The following MAP3K13 variants were observed in gnomAD, a reference collection of about 807,000 sequenced individuals.
The protein encoded by MAP3K13 is mitogen-activated protein kinase kinase kinase 13, also known as leucine zipper-bearing kinase.
In MAP3K13, 52 loss-of-function variants were observed where a neutral mutation model predicts 104.0. That is an observed-to-expected ratio of 0.50 (90% CI 0.40 to 0.63). The LOEUF (loss-of-function observed/expected upper bound fraction) is 0.63, where lower values mean the gene tolerates loss of function less well. Among genes scored for constraint, MAP3K13 ranks in the 20% least tolerant of loss-of-function variants. The pLI, the probability that MAP3K13 is intolerant of heterozygous loss-of-function variation, is 0.00. For missense variants in MAP3K13, 914 were observed against 1,218.5 expected, an observed-to-expected ratio of 0.75 and a Z score of 3.72; for synonymous variants, 394 against 442.2, an observed-to-expected ratio of 0.89 and a Z score of 1.37.
intron 1 of MAP3K13, among the ~76,000 whole-genome samples, chr3:185,415,828 C>T (rs1287601405): frequency 6.6e-6 from 1 of 152,092 alleles, no homozygotes; most frequent in Non-Finnish European, 1.5e-5. Context: ...GGTGACCTGC[C>T]TGCCTCGACC....
chr3:185,325,611 T>C (rs1244527800), intron 2 of MAP3K13, among the ~76,000 whole-genome samples: 1 of 152,164 alleles, frequency 6.6e-6, no homozygotes, highest in African/African-American at 2.4e-5. Flanking sequence ...GCTGAGAAGG[T>C]AAGAAGGACC....
intron 1 of MAP3K13, among the ~76,000 whole-genome samples, chr3:185,384,238 GA>G (rs751371199): frequency 4.6e-5 from 7 of 151,750 alleles, no homozygotes; most frequent in Non-Finnish European, 8.8e-5. Flanking sequence ...TTAACATAAT[GA>G]CCTCCAGCTC....
intron 8 of MAP3K13, among the ~76,000 whole-genome samples, chr3:185,465,413 TG>T (rs1242459810): frequency 1.3e-5 from 2 of 152,214 alleles, no homozygotes; most frequent in African/African-American, 4.8e-5. Context: ...GTGATCATGG[TG>T]TTGGCTTTAA....
intron 1 of MAP3K13, among the ~76,000 whole-genome samples, chr3:185,375,620 C>T (rs1194598292): frequency 2.6e-5 from 4 of 152,108 alleles, no homozygotes; most frequent in South Asian, 4.2e-4. Context: ...GGGAGTGGCC[C>T]GATGAGAAGG....
At chr3:185,477,683 A>G (rs940675403) in intron 12 of MAP3K13, among the ~76,000 whole-genome samples, 2 of 152,210 alleles carry the variant, frequency 1.3e-5, no homozygotes, top group African/African-American at 4.8e-5. Context: ...ACAGATGGCC[A>G]TGCTGTTTTA....
At chr3:185,456,634 CT>C (rs1490207286) in intron 7 of MAP3K13, among the ~76,000 whole-genome samples, 8 of 117,170 alleles carry the variant, frequency 6.8e-5, no homozygotes, top group Non-Finnish European at 1.3e-4. Flanking sequence ...GAGTCTTGCT[CT>C]GTCTTACCCA....
chr3:185,356,341 G>C (rs1723350621), intron 2 of MAP3K13, among the ~76,000 whole-genome samples: 1 of 152,282 alleles, frequency 6.6e-6, no homozygotes, highest in South Asian at 2.1e-4. Context: ...TACTCTTTTG[G>C]CTGCAAGTGA....
chr3:185,375,071 C>T (rs1489668470), intron 1 of MAP3K13, among the ~76,000 whole-genome samples: 2 of 152,144 alleles, frequency 1.3e-5, no homozygotes, highest in Non-Finnish European at 2.9e-5. Flanking sequence ...TACCAAGAGC[C>T]TGAGAAACTG....
chr3:185,307,626 C>T (rs896273856), intron 2 of MAP3K13, among the ~76,000 whole-genome samples: 1 of 140,492 alleles, frequency 7.1e-6, no homozygotes, highest in Non-Finnish European at 1.5e-5. Flanking sequence ...TCCCTGCAAC[C>T]TCCGCCTCCC....
At chr3:185,328,032 A>C (rs959461389) in intron 2 of MAP3K13, among the ~76,000 whole-genome samples, 3 of 152,080 alleles carry the variant, frequency 2.0e-5, no homozygotes, top group Non-Finnish European at 4.4e-5. Flanking sequence ...AAAATAAAGA[A>C]ATATGGTAGC....
intron 1 of MAP3K13, among the ~76,000 whole-genome samples, chr3:185,416,682 A>G (rs569672551): frequency 6.6e-6 from 1 of 152,244 alleles, no homozygotes; most frequent in African/African-American, 2.4e-5. Context: ...AGACTGGAGT[A>G]CAGTGGCGCA....
At chr3:185,427,286 C>A (rs1487971674) in intron 1 of MAP3K13, among the ~76,000 whole-genome samples, 1 of 151,684 alleles carries the variant, frequency 6.6e-6, no homozygotes, top group Non-Finnish European at 1.5e-5. Flanking sequence ...ATTGCTTGAA[C>A]CTGGGAGGCG....
At chr3:185,442,358 G>A (rs1479538015) in intron 3 of MAP3K13, among the ~76,000 whole-genome samples, 1 of 151,612 alleles carries the variant, frequency 6.6e-6, no homozygotes, top group Non-Finnish European at 1.5e-5. Flanking sequence ...GATTATGTAA[G>A]ATGGAAAATT....
chr3:185,374,759 C>CTT (rs59755117), intron 1 of MAP3K13, among the ~76,000 whole-genome samples: 3 of 150,504 alleles, frequency 2.0e-5, no homozygotes, highest in Non-Finnish European at 4.4e-5. Context: ...TAGAGTCCCC[C>CTT]TTTTTTTTTA....
intron 1 of MAP3K13, among the ~76,000 whole-genome samples, chr3:185,407,432 T>C (rs1314273238): frequency 1.3e-5 from 2 of 152,222 alleles, no homozygotes; most frequent in Non-Finnish European, 2.9e-5. Flanking sequence ...TAACTCTATA[T>C]ACACAAAATA....
At chr3:185,372,467 G>A (rs1724208480) in intron 1 of MAP3K13, among the ~76,000 whole-genome samples, 1 of 152,078 alleles carries the variant, frequency 6.6e-6, no homozygotes, top group African/African-American at 2.4e-5. Flanking sequence ...GACTAGACCA[G>A]GTTTCTTGGA....
intron 2 of MAP3K13, among the ~76,000 whole-genome samples, chr3:185,354,059 C>A (rs1297364458): frequency 6.6e-6 from 1 of 152,146 alleles, no homozygotes; most frequent in Non-Finnish European, 1.5e-5. Context: ...ACAAGCGTGC[C>A]AACTTGCCAA....
intron 1 of MAP3K13, among the ~76,000 whole-genome samples, chr3:185,366,917 T>TA: frequency 6.6e-6 from 1 of 152,348 alleles, no homozygotes; most frequent in Admixed American, 6.5e-5. Context: ...GTTTATGGTA[T>TA]AAAAATTTTT....
intron 2 of MAP3K13, among the ~76,000 whole-genome samples, chr3:185,353,111 T>C (rs1723199180): frequency 1.3e-5 from 2 of 152,074 alleles, no homozygotes. Context: ...TAAAACAGAG[T>C]TTTTCCCTGA....
Sources: gnomAD v4.1 joint callset for allele counts (sites outside exome capture counted in the v4.1 genomes callset) on GRCh38, gnomAD v4.1.1 for gene constraint, MANE v1.5 for transcripts, NCBI Gene and HGNC (gene_info 2026-07-23, HGNC 2026-07-21) for gene names.